EDNRB: variants seen among roughly 807,000 people sequenced by gnomAD.
EDNRB encodes the protein Hirschsprung disease 2.
EDNRB carries 18 observed loss-of-function variants against 46.4 expected under a neutral mutation model. The ratio of observed to expected loss-of-function variants is 0.39; its 90% CI spans 0.27 to 0.57. The LOEUF (loss-of-function observed/expected upper bound fraction) is 0.57. EDNRB is among the 20% of genes least tolerant of loss of function. The pLI, the probability that EDNRB is intolerant of heterozygous loss-of-function variation, is 0.61. For synonymous variants in EDNRB, 213 were observed against 204.9 expected (o/e 1.04, Z -0.34); for missense variants, 434 against 537.5 (o/e 0.81, Z 1.90).
chr13:77,926,488 A>C (rs1301964507), intron 1 of EDNRB, among the ~76,000 whole-genome samples: 2 of 152,196 alleles, frequency 1.3e-5, no homozygotes, highest in Non-Finnish European at 2.9e-5. Flanking sequence ...TCTTTGCTAA[A>C]ATATAATGAG....
chr13:77,913,807 T>C lies in EDNRB; in HGVS notation c.483+4284A>G, dbSNP rs199647326. Reference sequence around the variant, plus strand: ...TCTTGCTTTTTATCCAGCTTTGATATCTATGCTTCTACAACTTAGTAGTGG... The same window carrying C: ...TCTTGCTTTTTATCCAGCTTTGATACCTATGCTTCTACAACTTAGTAGTGG... On this transcript the variant is annotated intron_variant, in intron 1 of 6. Transcript: ENST00000646607. Among the ~76,000 whole-genome samples the C allele has an allele frequency of 2.6e-5, 4 of 152,160 alleles. No homozygotes were observed. In the East Asian group the frequency reaches 7.7e-4, roughly 29 times the overall value.
intron 1 of EDNRB, among the ~76,000 whole-genome samples, chr13:77,969,141 TG>T (rs1881658574): frequency 6.6e-6 from 1 of 152,210 alleles, no homozygotes; most frequent in South Asian, 2.1e-4. Context: ...ATAACATAAT[TG>T]GATATTTTGT....
rs573103753 is a variant in EDNRB at position 77,945,889 on chromosome 13, A to T, written c.-51-27265T>A. On this transcript the variant is annotated intron_variant, in intron 1 of 7. Coordinates refer to the EDNRB transcript ENST00000646948. ...CATGCAAAAAACCAAAAAAAAAAAA[A>T]AAAACAAAAAAAACACACAATCCGA... 6.2e-4 allele frequency among the ~76,000 whole-genome samples: 94 copies of T among 151,750 alleles called. No homozygotes were observed. In the East Asian group the frequency reaches 0.013, roughly 22 times the overall value.
At chr13:77,937,792 G>A (rs772771505) in intron 1 of EDNRB, among the ~76,000 whole-genome samples, 1 of 152,130 alleles carries the variant, frequency 6.6e-6, no homozygotes, top group Non-Finnish European at 1.5e-5. Context: ...TGTAGAAAAG[G>A]AAGATTAGAA....
At chr13:77,903,751 G>T in intron 1 of EDNRB, 144 bp from the exon 2 acceptor site, 1 of 726,988 alleles carries the variant, frequency 1.4e-6, no homozygotes, top group Non-Finnish European at 2.4e-6. Flanking sequence ...TCTTTGAAAA[G>T]CACCATTGTT....
At chr13:77,901,780 G>A (rs775398947) in intron 3 of EDNRB, among the ~76,000 whole-genome samples, 4 of 151,834 alleles carry the variant, frequency 2.6e-5, no homozygotes, top group Non-Finnish European at 4.4e-5. Flanking sequence ...CTGTGTTGGA[G>A]AGGAAATTAT....
chr13:77,914,783 G>C (rs1002310252), intron 1 of EDNRB, among the ~76,000 whole-genome samples: 1 of 152,170 alleles, frequency 6.6e-6, no homozygotes, highest in Non-Finnish European at 1.5e-5. Context: ...AGCAACTCCA[G>C]ATAAAGTCCC....
At chr13:77,926,435 C>T (rs1452160102) in intron 1 of EDNRB, among the ~76,000 whole-genome samples, 1 of 152,182 alleles carries the variant, frequency 6.6e-6, no homozygotes, top group African/African-American at 2.4e-5. Flanking sequence ...CTCTCAAGTT[C>T]AAGTTCCACA....
intron 1 of EDNRB, among the ~76,000 whole-genome samples, chr13:77,943,011 G>A (rs1197477672): frequency 6.6e-6 from 1 of 152,052 alleles, no homozygotes; most frequent in East Asian, 1.9e-4. Context: ...GAAACGTTTA[G>A]CCTGCCATTT....
intron 1 of EDNRB, among the ~76,000 whole-genome samples, chr13:77,907,624 T>G (rs1293147266): frequency 6.6e-6 from 1 of 152,014 alleles, no homozygotes; most frequent in Non-Finnish European, 1.5e-5. Flanking sequence ...TACAAACATT[T>G]GGATATTTTA....
intron 1 of EDNRB, among the ~76,000 whole-genome samples, chr13:77,950,754 G>A (rs1881068721): frequency 6.6e-6 from 1 of 152,158 alleles, no homozygotes; most frequent in African/African-American, 2.4e-5. Flanking sequence ...TCTTTCTCTT[G>A]TTTTTACAAA....
chr13:77,900,619 G>A lies in EDNRB; in HGVS notation c.987C>T (p.Val329=). The change falls in exon 5 of 7, where the codon GTC becomes GTT. Residue 329 remains valine (V), a synonymous_variant. Coordinates refer to ENST00000646607, the MANE Select transcript of EDNRB (RefSeq NM_001122659.3). ...GAAGCCAGCAGAGGGCAAAGACAAG[G>A]ACCAGGCAAAAGACGGTTTTGGCCA... ...REVAKTVFCL[V]LVFALCWLPL... 1 of 1,612,454 alleles carries A rather than the reference G, an allele frequency of 6.2e-7. No homozygotes were observed. The highest frequency in any genetic ancestry group is 8.5e-7 in the Non-Finnish European group (1 of 1,179,082).
Position 77,898,271 on chromosome 13 carries a change from A to G in EDNRB, c.1258T>C (p.Cys420Arg). ...TGATCATTAGCTTTGAACTTTAAGC[A>G]CGACTGCTTTTCCTCCAAGGACTGT... ...EKQSLEEKQS[C>R]LKFKANDHGY... The change falls in exon 7 of 7, where the codon TGC becomes CGC. Residue 420 changes from cysteine to arginine, a missense_variant. Coordinates refer to ENST00000646607, the MANE Select transcript of EDNRB (RefSeq NM_001122659.3). 6.2e-7 allele frequency: 1 copy of G among 1,612,280 alleles called. No homozygotes were observed. Among genetic ancestry groups the G allele is most frequent in the Non-Finnish European group, 8.5e-7 (1 of 1,178,910 alleles).
chr13:77,929,608 C>T (rs756696938), intron 1 of EDNRB, among the ~76,000 whole-genome samples: 3 of 152,098 alleles, frequency 2.0e-5, no homozygotes, highest in Non-Finnish European at 4.4e-5. Context: ...CCCTGAAAAC[C>T]CATTTGTACA....
At chr13:77,919,225 C>G (rs1239438241), upstream of EDNRB, 2 of 727,888 alleles carry the variant, frequency 2.7e-6, no homozygotes, top group Non-Finnish European at 4.3e-6. Context: ...GCTGTTCCCT[C>G]CAAACGGCTT....
intron 1 of EDNRB, among the ~76,000 whole-genome samples, chr13:77,948,788 G>A (rs956433180): frequency 6.6e-6 from 1 of 152,136 alleles, no homozygotes; most frequent in African/African-American, 2.4e-5. Context: ...AAATTCCACA[G>A]CTATTAGTTG....
intron 1 of EDNRB, among the ~76,000 whole-genome samples, chr13:77,907,976 G>C (rs1279160115): frequency 8.0e-6 from 1 of 125,536 alleles, no homozygotes; most frequent in Non-Finnish European, 1.6e-5. Context: ...TCACCACGGA[G>C]AGATTACAGT....
chr13:77,901,317 G>C (rs1878969345), intron 3 of EDNRB, 110 bp from the exon 4 acceptor site: 1 of 1,181,658 alleles, frequency 8.5e-7, no homozygotes, highest in African/African-American at 1.5e-5. Flanking sequence ...TTCTAAATTA[G>C]ATCCAGTTTG....
intron 1 of EDNRB, among the ~76,000 whole-genome samples, chr13:77,949,533 C>T (rs1407208015): frequency 6.6e-6 from 1 of 152,130 alleles, no homozygotes; most frequent in African/African-American, 2.4e-5. Flanking sequence ...AAAACTTTTA[C>T]CCCAGTAAAT....
Sources: gnomAD v4.1 joint callset for allele counts (sites outside exome capture counted in the v4.1 genomes callset) on GRCh38, gnomAD v4.1.1 for gene constraint, MANE v1.5 for transcripts, NCBI Gene and HGNC (gene_info 2026-07-23, HGNC 2026-07-21) for gene names.